The following SDK1 variants were observed in gnomAD, a reference collection of about 807,000 sequenced individuals.
SDK1 encodes protein sidekick-1.
SDK1 carries 157 observed loss-of-function variants against 245.5 expected under a neutral mutation model. The observed-to-expected ratio is 0.64, with a 90% confidence interval of 0.56 to 0.73. SDK1 has a LOEUF of 0.73. Ranked by LOEUF, SDK1 falls within the 30% of genes least tolerant of loss-of-function variation. The pLI is 0.00. For missense variants in SDK1, 3,583 were observed against 3,002.3 expected (o/e 1.19, Z -4.52); for synonymous variants, 1,647 against 1,278.5 (o/e 1.29, Z -6.15).
chr7:3,805,026 T>C (rs73032400), intron 4 of SDK1, among the ~76,000 whole-genome samples: 3,170 of 152,302 alleles, frequency 0.021, 52 homozygotes, highest in Middle Eastern at 0.099. Flanking sequence ...ATTTTAAATG[T>C]TCTTACCACA....
At chr7:3,813,422 C>G (rs893150045) in intron 4 of SDK1, among the ~76,000 whole-genome samples, 17 of 141,568 alleles carry the variant, frequency 1.2e-4, no homozygotes, top group Admixed American at 2.2e-4. Flanking sequence ...TCATCCATGT[C>G]CCTACAAAGG....
chr7:3,967,809 G>A (rs1351006683), intron 10 of SDK1, among the ~76,000 whole-genome samples: 1 of 152,208 alleles, frequency 6.6e-6, no homozygotes. Flanking sequence ...AGTCATGCAC[G>A]GTGGCCACCG....
rs540819494 is a variant in SDK1, at chr7:3,965,685, G to C, written c.1430-1633G>C. ...TCCAGGACAGAGGGTCTGCAGGGAG[G>C]AGAAAGGCAGTGAAGGACGAGATGA... On this transcript the variant is annotated intron_variant, in intron 9 of 44. Coordinates refer to ENST00000404826, the MANE Select transcript of SDK1 (RefSeq NM_152744.4). Among the ~76,000 whole-genome samples the C allele has an allele frequency of 5.3e-5, 8 of 152,266 alleles. No homozygotes were observed. The South Asian group carries it at 1.7e-3, about 32-fold the overall frequency.
intron 4 of SDK1, among the ~76,000 whole-genome samples, chr7:3,789,010 C>G (rs1379961320): frequency 6.6e-6 from 1 of 152,212 alleles, no homozygotes; most frequent in African/African-American, 2.4e-5. Flanking sequence ...AGTGCCACGG[C>G]TGACAAGCTC....
intron 5 of SDK1, among the ~76,000 whole-genome samples, chr7:3,871,164 G>A (rs1264211360): frequency 6.9e-6 from 1 of 145,834 alleles, no homozygotes; most frequent in African/African-American, 2.6e-5. Context: ...TTTTTTTTTT[G>A]GTGCTAGTGT....
chr7:3,578,743 C>T (rs565060699), intron 1 of SDK1, among the ~76,000 whole-genome samples: 3 of 151,966 alleles, frequency 2.0e-5, no homozygotes, highest in East Asian at 1.9e-4. Flanking sequence ...AAATACGGCT[C>T]TTTTTGCCTC....
In SDK1 at chr7:4,265,998, T is replaced by G; in HGVS notation, c.*614T>G. 2 of 985,586 alleles carry G rather than the reference T, an allele frequency of 2.0e-6. No individual in the cohort carries two copies. Among genetic ancestry groups the G allele is most frequent in the Non-Finnish European group, 2.4e-6 (2 of 830,034 alleles). 61.1% of individuals were successfully genotyped at this position (985,586 alleles called of 1,614,324 possible). On this transcript the variant is annotated 3_prime_UTR_variant, in exon 45 of 45. Coordinates refer to ENST00000404826, the MANE Select transcript of SDK1 (RefSeq NM_152744.4). ...CAGGTTCCTGACGGCCAGGCAGGGA[T>G]GCTAAGGTGTGGCTCAGCCGTCACT... is the stretch of plus-strand genomic sequence containing the variant.
chr7:3,675,276 C>G (rs1020877056), intron 4 of SDK1, among the ~76,000 whole-genome samples: 1 of 152,210 alleles, frequency 6.6e-6, no homozygotes. Flanking sequence ...TATTCAAAAT[C>G]CAACATTTAG....
intron 38 of SDK1, 62 bp from the exon 39 acceptor site, chr7:4,220,047 A>G: frequency 6.4e-7 from 1 of 1,569,366 alleles, no homozygotes. Flanking sequence ...AACAGAACAG[A>G]CAGTGGACAG....
At chr7:4,108,147 A>T (rs1273995958) in intron 22 of SDK1, among the ~76,000 whole-genome samples, 1 of 152,032 alleles carries the variant, frequency 6.6e-6, no homozygotes, top group Non-Finnish European at 1.5e-5. Context: ...TCAGGATTGG[A>T]TGGTTCCAGT....
chr7:3,495,006 A>C (rs1781981124), intron 1 of SDK1, among the ~76,000 whole-genome samples: 1 of 152,150 alleles, frequency 6.6e-6, no homozygotes, highest in African/African-American at 2.4e-5. Context: ...TCAGAACCAT[A>C]AACCTGGTGT....
chr7:3,711,034 T>C (rs1033132057), intron 4 of SDK1, among the ~76,000 whole-genome samples: 4 of 152,200 alleles, frequency 2.6e-5, no homozygotes, highest in African/African-American at 9.6e-5. Context: ...AGGATGTTCT[T>C]TTGTGTATTC....
At position 3,817,838 on chromosome 7, in the gene SDK1, A is replaced by AAGTG. The variant is rs201556112; in HGVS notation, c.714-3610_714-3607dup. Among the ~76,000 whole-genome samples, 523 of 152,332 alleles carry AAGTG rather than the reference A, an allele frequency of 3.4e-3. 12 individuals are homozygous for AAGTG. Among genetic ancestry groups the AAGTG allele is most frequent in the Admixed American group, 0.032 (491 of 15,304 alleles). ...CACCTCAGGAGAGTGTTGGAGAATC[A>AAGTG]AGTGAAGAATGGCCAGAAGCACTTA... On this transcript the variant is annotated intron_variant, in intron 4 of 44. Transcript: ENST00000404826.
At chr7:3,808,771 G>A (rs1335557886) in intron 4 of SDK1, among the ~76,000 whole-genome samples, 3 of 152,064 alleles carry the variant, frequency 2.0e-5, no homozygotes, top group East Asian at 1.9e-4. Flanking sequence ...TGGCACTGGC[G>A]GGCTGTCTGA....
intron 1 of SDK1, among the ~76,000 whole-genome samples, chr7:3,574,689 A>C (rs1282325359): frequency 6.6e-6 from 1 of 152,076 alleles, no homozygotes; most frequent in Non-Finnish European, 1.5e-5. Flanking sequence ...TGTATAAAGT[A>C]GCTGATGGAA....
chr7:3,817,453 C>T (rs1005419951), intron 4 of SDK1, among the ~76,000 whole-genome samples: 2 of 152,204 alleles, frequency 1.3e-5, no homozygotes, highest in East Asian at 3.9e-4. Context: ...CTTGATTCTG[C>T]TCCAGTGGTG....
intron 17 of SDK1, among the ~76,000 whole-genome samples, chr7:4,018,820 G>A (rs1786631868): frequency 6.6e-6 from 1 of 152,144 alleles, no homozygotes; most frequent in Non-Finnish European, 1.5e-5. Context: ...GCTGCATTAG[G>A]GGCGGAATCT....
rs200303832 is a variant in SDK1 at position 3,590,300 on chromosome 7, CTTTTTT to C, written c.299-28764_299-28759del. On this transcript the variant is annotated intron_variant, in intron 1 of 44. Coordinates refer to ENST00000404826, the MANE Select transcript of SDK1 (RefSeq NM_152744.4). Reference sequence around the variant, plus strand: ...TCAACTTTCACCTCCTTTCCTGTTCCTTTTTTTTTTTTTTTTTTTTTGCTTTGAAGT... The same window carrying C: ...TCAACTTTCACCTCCTTTCCTGTTCCTTTTTTTTTTTTTTTGCTTTGAAGT... 6.4e-4 allele frequency among the ~76,000 whole-genome samples: 62 copies of C among 96,134 alleles called. 1 individual carries two copies. The East Asian group carries it at 0.016, about 25-fold the overall frequency. The allele number at this position is 96,134 out of a possible 152,430, so 63.1% of individuals were successfully genotyped here.
intron 1 of SDK1, among the ~76,000 whole-genome samples, chr7:3,392,625 C>G (rs185832021): frequency 1.6e-4 from 25 of 152,270 alleles, no homozygotes; most frequent in African/African-American, 5.5e-4. Flanking sequence ...TTCTTCCTCC[C>G]TCCAACCCTG....
Sources: gnomAD v4.1 joint callset for allele counts (sites outside exome capture counted in the v4.1 genomes callset) on GRCh38, gnomAD v4.1.1 for gene constraint, MANE v1.5 for transcripts, NCBI Gene and HGNC (gene_info 2026-07-23, HGNC 2026-07-21) for gene names.